TNIP1: variants seen among roughly 807,000 people sequenced by gnomAD.
TNIP1 encodes TNFAIP3 interacting protein 1, also known as TNFAIP3-interacting protein 1.
A neutral mutation model predicts 86.6 loss-of-function variants in TNIP1; 22 were observed. The ratio of observed to expected loss-of-function variants is 0.25; its 90% CI spans 0.18 to 0.36. The LOEUF is 0.36. Among genes scored for constraint, TNIP1 ranks in the 10% least tolerant of loss-of-function variants. The pLI, the probability that TNIP1 is intolerant of heterozygous loss-of-function variation, is 1.00. For missense variants in TNIP1, 709 were observed against 820.6 expected, an observed-to-expected ratio of 0.86 and a Z score of 1.66; for synonymous variants, 294 against 313.0, an observed-to-expected ratio of 0.94 and a Z score of 0.64.
At chr5:151,033,868 C>A in intron 15 of TNIP1, 69 bp from the exon 16 acceptor site, 1 of 1,318,896 alleles carries the variant, frequency 7.6e-7, no homozygotes, top group Non-Finnish European at 1.0e-6. Flanking sequence ...TCATCACCCT[C>A]TAAATAGAAT....
intron 11 of TNIP1, among the ~76,000 whole-genome samples, chr5:151,039,572 C>T (rs772026059): frequency 2.8e-4 from 42 of 152,294 alleles, no homozygotes; most frequent in African/African-American, 8.2e-4. Context: ...GGGTTCCTAA[C>T]GTGAGTCACA....
intron 17 of TNIP1, among the ~76,000 whole-genome samples, chr5:151,031,441 A>T (rs1756874839): frequency 6.6e-6 from 1 of 152,210 alleles, no homozygotes; most frequent in Admixed American, 6.5e-5. Flanking sequence ...TGAGAGCTCT[A>T]CAGGGAGCAA....
Position 151,042,625 on chromosome 5 carries a change from G to A in TNIP1, c.1049C>T (p.Thr350Ile), listed in dbSNP as rs369725837. The change falls in exon 11 of 18, where the codon ACT becomes ATT. Residue 350 changes from threonine to isoleucine, a missense_variant. Physicochemically the swap from Thr to Ile is moderately conservative, Grantham distance 89. Coordinates refer to ENST00000521591, the MANE Select transcript of TNIP1 (RefSeq NM_006058.5). The part of the protein sequence containing the change: ...QKLADLQKQV[T>I]DLEAEREQKQ... The stretch of plus-strand genomic sequence containing the variant: ...CTGCTCCCGCTCGGCCTCCAGGTCA[G>A]TCACCTGCTTCTGCAAATCAGCCAG... 21 of 1,614,038 alleles carry A rather than the reference G, an allele frequency of 1.3e-5. No homozygotes were observed. Among genetic ancestry groups the A allele is most frequent in the African/African-American group, 4.0e-5 (3 of 75,072 alleles).
At chr5:151,071,313 G>A (rs1333129990) in intron 1 of TNIP1, among the ~76,000 whole-genome samples, 1 of 152,094 alleles carries the variant, frequency 6.6e-6, no homozygotes. Context: ...CAGACACAGA[G>A]TCTCATATAG....
intron 1 of TNIP1, among the ~76,000 whole-genome samples, chr5:151,078,211 G>A (rs893464863): frequency 1.3e-5 from 2 of 152,230 alleles, no homozygotes; most frequent in Admixed American, 6.5e-5. Context: ...AACACTGCAT[G>A]GCACTGGGCA....
At chr5:151,073,644 A>G (rs1763068022) in intron 1 of TNIP1, among the ~76,000 whole-genome samples, 1 of 150,540 alleles carries the variant, frequency 6.6e-6, no homozygotes, top group South Asian at 2.1e-4. Context: ...CTGGAAGCCC[A>G]GTGCTTTGGG....
chr5:151,072,450 C>A (rs553095556), intron 1 of TNIP1, among the ~76,000 whole-genome samples: 3 of 152,344 alleles, frequency 2.0e-5, no homozygotes, highest in Non-Finnish European at 2.9e-5. Context: ...CCAACTTTAG[C>A]AATCCAGATC....
At position 151,036,860 on chromosome 5, in the gene TNIP1, C is replaced by T. The variant is rs1371261117; in HGVS notation, c.1325G>A (p.Ser442Asn). Residue 442 changes from serine to asparagine, a missense_variant, in exon 13 of 18, where the codon AGC becomes AAC. Ser to Asn is a conservative substitution (Grantham distance 46). Coordinates refer to ENST00000521591, the MANE Select transcript of TNIP1 (RefSeq NM_006058.5). ...PPSSPPTAFG[S>N]PEGAGALLRK... ...TAGGAGGGCCCCTGCTCCTTCTGGG[C>T]TCCCAAATGCTGTTGGTGGAGATGA... 4 of 1,613,540 alleles carry T rather than the reference C, an allele frequency of 2.5e-6. No homozygotes were observed. Among genetic ancestry groups the T allele is most frequent in the East Asian group, 2.2e-5 (1 of 44,800 alleles).
At chr5:151,085,463 T>G (rs985501505), upstream of TNIP1, among the ~76,000 whole-genome samples, 43 of 152,214 alleles carry the variant, frequency 2.8e-4, no homozygotes, top group African/African-American at 9.6e-4. Flanking sequence ...CTGGAAGGCA[T>G]TGCTGCTGAC....
intron 4 of TNIP1, among the ~76,000 whole-genome samples, chr5:151,061,610 T>C (rs1339341441): frequency 1.3e-5 from 2 of 152,086 alleles, no homozygotes; most frequent in Non-Finnish European, 2.9e-5. Flanking sequence ...GCCTCCCAAG[T>C]AGCTGGAACC....
chr5:151,077,865 G>T (rs776983363), intron 1 of TNIP1, among the ~76,000 whole-genome samples: 9 of 152,296 alleles, frequency 5.9e-5, no homozygotes, highest in Non-Finnish European at 1.3e-4. Flanking sequence ...ATCTTTTAGG[G>T]TCTTTCCCAG....
At chr5:151,039,269 C>T (rs776689915) in intron 11 of TNIP1, 44 bp from the exon 12 acceptor site, 4 of 1,584,918 alleles carry the variant, frequency 2.5e-6, no homozygotes, top group Non-Finnish European at 3.4e-6. Context: ...GATGGCCTCT[C>T]CAGGAGGCCT....
chr5:151,068,527 G>A (rs1762493436), intron 1 of TNIP1, among the ~76,000 whole-genome samples: 1 of 152,312 alleles, frequency 6.6e-6, no homozygotes, highest in East Asian at 1.9e-4. Context: ...CCACGAGGAT[G>A]TTTTCAAAGG....
intron 1 of TNIP1, among the ~76,000 whole-genome samples, chr5:151,070,914 C>A (rs1762753957): frequency 6.6e-6 from 1 of 151,764 alleles, no homozygotes; most frequent in African/African-American, 2.4e-5. Flanking sequence ...AGAGGGAACA[C>A]TGATGTAAAC....
chr5:151,033,556 T>C, intron 16 of TNIP1, 52 bp downstream of exon 16: 3 of 1,231,578 alleles, frequency 2.4e-6, no homozygotes, highest in South Asian at 1.6e-5. Flanking sequence ...CTGGAAGGTG[T>C]CTGGGGCAGC....
Position 151,062,107 on chromosome 5 carries a change from T to C in TNIP1, c.357+20A>G. On this transcript the variant is annotated intron_variant, in intron 4 of 17. Transcript: ENST00000521591. ...GGTCCATCCAGGCAACCTCCACCCA[T>C]GACTCCAAATAAAACTTACACTGGA... 1.2e-6 allele frequency: 2 copies of C among 1,612,586 alleles called. No homozygotes were observed. The highest frequency in any genetic ancestry group is 1.7e-6 in the Non-Finnish European group (2 of 1,178,666).
At chr5:151,057,625 G>C (rs530294792) in intron 5 of TNIP1, among the ~76,000 whole-genome samples, 1 of 152,292 alleles carries the variant, frequency 6.6e-6, no homozygotes, top group South Asian at 2.1e-4. Flanking sequence ...GCTGAGGCAG[G>C]AGAACTATTT....
At chr5:151,043,295 C>T (rs931955732) in intron 9 of TNIP1, among the ~76,000 whole-genome samples, 7 of 152,092 alleles carry the variant, frequency 4.6e-5, no homozygotes, top group African/African-American at 1.4e-4. Context: ...CAACTTTAAC[C>T]CAATAATTCC....
upstream of TNIP1, among the ~76,000 whole-genome samples, chr5:151,081,802 TG>T (rs1393027323): frequency 6.6e-6 from 1 of 152,168 alleles, no homozygotes; most frequent in Non-Finnish European, 1.5e-5. Context: ...CCTACTTATA[TG>T]TGGGCTAGAT....
Sources: allele counts gnomAD v4.1 joint callset (sites outside exome capture counted in the v4.1 genomes callset), GRCh38; gene constraint gnomAD v4.1.1; transcripts MANE v1.5; gene names NCBI Gene and HGNC (gene_info 2026-07-23, HGNC 2026-07-21).